The following ZNF618 variants were observed in gnomAD, a reference collection of about 807,000 sequenced individuals.
The protein encoded by ZNF618 is zinc finger protein 618, also known as neural precursor cell expressed, developmentally down-regulated 10.
A neutral mutation model predicts 103.0 loss-of-function variants in ZNF618; 34 were observed. The observed-to-expected ratio is 0.33, with a 90% CI of 0.25 to 0.44. The LOEUF (loss-of-function observed/expected upper bound fraction) is 0.44. ZNF618 is among the 20% of genes least tolerant of loss of function. ZNF618 has a pLI of 1.00. For synonymous variants in ZNF618, 551 were observed against 542.2 expected, an observed-to-expected ratio of 1.02 and a Z score of -0.23; for missense variants, 1,059 against 1,295.4, an observed-to-expected ratio of 0.82 and a Z score of 2.80.
chr9:113,917,235 C>CTTTTT (rs56300784), intron 1 of ZNF618, among the ~76,000 whole-genome samples: 120 of 74,258 alleles, frequency 1.6e-3, no homozygotes, highest in African/African-American at 2.2e-3. Context: ...TCTCTCTATC[C>CTTTTT]TTTTTTTTTT....
Position 114,051,236 on chromosome 9 carries a change from A to G in ZNF618, c.*1069A>G, listed in dbSNP as rs1846114132. 1 of 152,426 alleles carries G rather than the reference A, an allele frequency of 6.6e-6. No homozygotes were observed. The highest frequency in any genetic ancestry group is 1.5e-5 in the Non-Finnish European group (1 of 68,020). The allele number at this position is 152,426 out of a possible 1,614,324, so 9.4% of individuals were successfully genotyped here. On this transcript the variant is annotated 3_prime_UTR_variant, in exon 15 of 15. Transcript: ENST00000374126. ...GTAAACTAGCTCATCTCTGTGGTGT[A>G]CTCAGTATCCTACAGTCTTTCTTGG...
chr9:114,037,246 A>G (rs1383200767), intron 13 of ZNF618, among the ~76,000 whole-genome samples: 1 of 152,176 alleles, frequency 6.6e-6, no homozygotes, highest in Admixed American at 6.5e-5. Flanking sequence ...ATGGTGATTC[A>G]GGGATCAAGG....
intron 1 of ZNF618, among the ~76,000 whole-genome samples, chr9:113,880,863 C>T (rs1449136556): frequency 6.6e-6 from 1 of 152,204 alleles, no homozygotes; most frequent in African/African-American, 2.4e-5. Context: ...AGGTATACTG[C>T]ACTTTATTGC....
At position 113,970,381 on chromosome 9, in the gene ZNF618, G is replaced by A. The variant is rs541451090; in HGVS notation, c.77+1221G>A. On this transcript the variant is annotated intron_variant, in intron 2 of 14. Transcript: ENST00000374126. Reference sequence around the variant, plus strand: ...CTGGCAGCCATTTGTTGGGTGGATTGGAGGCTAGTAGAATAGAGGCCATTA... The same window carrying A: ...CTGGCAGCCATTTGTTGGGTGGATTAGAGGCTAGTAGAATAGAGGCCATTA... Among the ~76,000 whole-genome samples, 4 of 152,264 alleles carry A rather than the reference G, an allele frequency of 2.6e-5. No individual in the cohort carries two copies. The South Asian group carries it at 8.3e-4, about 32-fold the overall frequency.
intron 1 of ZNF618, among the ~76,000 whole-genome samples, chr9:113,926,409 G>A (rs1206045402): frequency 9.2e-5 from 14 of 151,718 alleles, no homozygotes; most frequent in Admixed American, 9.2e-4. Flanking sequence ...CTGTGGTTTT[G>A]TGTCTGTCAT....
intron 1 of ZNF618, among the ~76,000 whole-genome samples, chr9:113,948,719 G>GGAAGCAGTGGGAGTCCCTGATGTT (rs1276436129): frequency 9.2e-5 from 14 of 152,326 alleles, no homozygotes; most frequent in Admixed American, 7.2e-4. Flanking sequence ...GCCGTGTTGG[G>GGAAGCAGTGGGAGTCCCTGATGTT]GAAGCAGTGG....
intron 1 of ZNF618, among the ~76,000 whole-genome samples, chr9:113,901,905 T>A (rs550956017): frequency 2.8e-4 from 43 of 152,120 alleles, no homozygotes; most frequent in Non-Finnish European, 5.0e-4. Flanking sequence ...ACTAAGTGTG[T>A]CGCAGTGGGG....
At position 113,951,577 on chromosome 9, in the gene ZNF618, A is replaced by ACAT. The variant is rs1488977520; in HGVS notation, c.34-17540_34-17539insCAT. Among the ~76,000 whole-genome samples the ACAT allele has an allele frequency of 1.4e-4, 7 of 49,148 alleles. 1 individual carries two copies. The highest frequency in any genetic ancestry group is 5.2e-4 in the Admixed American group (2 of 3,830). The allele number at this position is 49,148 out of a possible 152,430, so 32.2% of individuals were successfully genotyped here. A position where few individuals can be genotyped will look rare whatever the true frequency, so the allele number is the denominator to read the frequency against. ...TGTGTGTGTATATGTGTGTGTGTAT[A>ACAT]TGTGTGTGTGTGTGTGTGTGTATAT... On this transcript the variant is annotated intron_variant, in intron 1 of 14. Transcript: ENST00000374126.
At chr9:113,973,351 G>T (rs561106823) in intron 2 of ZNF618, among the ~76,000 whole-genome samples, 3 of 152,246 alleles carry the variant, frequency 2.0e-5, no homozygotes, top group Non-Finnish European at 4.4e-5. Flanking sequence ...CTACGCCAGG[G>T]TCCGCTTTCA....
intron 2 of ZNF618, among the ~76,000 whole-genome samples, chr9:113,978,042 T>C (rs1838642953): frequency 6.6e-6 from 1 of 152,260 alleles, no homozygotes; most frequent in African/African-American, 2.4e-5. Flanking sequence ...TTTGAATTTC[T>C]AGACTGTTAA....
chr9:114,002,601 T>TCC (rs2133676333), intron 5 of ZNF618, 23 bp from the exon 6 acceptor site: 1 of 1,559,030 alleles, frequency 6.4e-7, no homozygotes, highest in South Asian at 1.1e-5. Context: ...CCCACCCCCA[T>TCC]CCCTCTCTCT....
Position 114,050,441 on chromosome 9 carries a change from CG to C in ZNF618, c.*275del. 1 of 320,736 alleles carries C rather than the reference CG, an allele frequency of 3.1e-6. No homozygotes were observed. Among genetic ancestry groups the C allele is most frequent in the Non-Finnish European group, 5.5e-6 (1 of 181,536 alleles). 19.9% of individuals were successfully genotyped at this position (320,736 alleles called of 1,614,324 possible). A position where few individuals can be genotyped will look rare whatever the true frequency, so the allele number is the denominator to read the frequency against. On this transcript the variant is annotated 3_prime_UTR_variant, in exon 15 of 15. Coordinates refer to ENST00000374126, the MANE Select transcript of ZNF618 (RefSeq NM_001318042.2). The stretch of plus-strand genomic sequence containing the variant: ...CATGGCCAGAGAAACTTTGCACACA[CG>C]CACACACACACACACACACACACAC...
Position 114,002,042 on chromosome 9 carries a change from C to T in ZNF618, c.480C>T (p.Asn160=), listed in dbSNP as rs1257561793. ...GICGKKYKYY[N]CFQTHVRAHR... is the part of the protein sequence containing the mutation. ...GTGGCAAGAAGTACAAGTATTACAA[C>T]TGCTTCCAGACCCACGTGCGGGCGC... The change falls in exon 5 of 15, where the codon AAC becomes AAT. Residue 160 remains asparagine (N), a synonymous_variant. Transcript: ENST00000374126. 1 of 1,613,806 alleles carries T rather than the reference C, an allele frequency of 6.2e-7. No individual in the cohort carries two copies. Among genetic ancestry groups the T allele is most frequent in the African/African-American group, 1.3e-5 (1 of 74,930 alleles).
At chr9:114,041,330 T>G (rs1457029278) in intron 13 of ZNF618, among the ~76,000 whole-genome samples, 1 of 152,244 alleles carries the variant, frequency 6.6e-6, no homozygotes, top group Non-Finnish European at 1.5e-5. Flanking sequence ...CTCTTTAGTT[T>G]AATTAGATGC....
chr9:113,910,359 C>T (rs1831421922), intron 1 of ZNF618, among the ~76,000 whole-genome samples: 3 of 152,136 alleles, frequency 2.0e-5, no homozygotes, highest in Admixed American at 2.0e-4. Context: ...GCTCTTCACT[C>T]TGTAATTATT....
intron 1 of ZNF618, among the ~76,000 whole-genome samples, chr9:113,968,549 T>C (rs1837647605): frequency 6.6e-6 from 1 of 152,190 alleles, no homozygotes; most frequent in Non-Finnish European, 1.5e-5. Flanking sequence ...TAGCTCCCTC[T>C]GTGCCCAAGG....
intron 11 of ZNF618, among the ~76,000 whole-genome samples, chr9:114,029,416 A>ATTGGCTG (rs1397172580): frequency 2.6e-5 from 4 of 152,156 alleles, no homozygotes; most frequent in African/African-American, 7.2e-5. Context: ...CAGGACAACG[A>ATTGGCTG]TTGGCTGCCT....
chr9:113,909,326 T>C (rs971684250), intron 1 of ZNF618, among the ~76,000 whole-genome samples: 5 of 152,088 alleles, frequency 3.3e-5, no homozygotes, highest in Admixed American at 2.6e-4. Flanking sequence ...TGTGTGTCCC[T>C]GTCCCCCTGG....
intron 1 of ZNF618, among the ~76,000 whole-genome samples, chr9:113,965,823 T>C (rs577328279): frequency 1.3e-5 from 2 of 152,280 alleles, no homozygotes; most frequent in South Asian, 2.1e-4. Flanking sequence ...AGTGGGAGTT[T>C]CCATTACCTG....
Sources: allele counts gnomAD v4.1 joint callset (sites outside exome capture counted in the v4.1 genomes callset), GRCh38; gene constraint gnomAD v4.1.1; transcripts MANE v1.5; gene names NCBI Gene and HGNC (gene_info 2026-07-23, HGNC 2026-07-21).